ARL5A: variants seen among roughly 807,000 people sequenced by gnomAD.
The protein encoded by ARL5A is ADP-ribosylation factor-like protein 5A.
ARL5A carries 18 observed loss-of-function variants against 25.9 expected under a neutral mutation model. The ratio of observed to expected loss-of-function variants is 0.69; its 90% CI spans 0.48 to 1.03. The LOEUF (loss-of-function observed/expected upper bound fraction) is 1.03. Ranked by LOEUF, ARL5A falls within the 50% of genes least tolerant of loss-of-function variation. ARL5A has a pLI of 0.00. For synonymous variants in ARL5A, 61 were observed against 67.5 expected, an observed-to-expected ratio of 0.90 and a Z score of 0.47; for missense variants, 170 against 211.9, an observed-to-expected ratio of 0.80 and a Z score of 1.23.
At chr2:151,810,014 T>C (rs892857224) in intron 4 of ARL5A, among the ~76,000 whole-genome samples, 6 of 152,018 alleles carry the variant, frequency 3.9e-5, no homozygotes, top group African/African-American at 4.8e-5. Context: ...ACCCAGAAGA[T>C]GGAGGTTGCA....
chr2:151,801,922 A>G lies in ARL5A; in HGVS notation c.*1354T>C, dbSNP rs903450422. 1 of 152,120 alleles carries G rather than the reference A, an allele frequency of 6.6e-6. No individual in the cohort carries two copies. The highest frequency in any genetic ancestry group is 2.4e-5 in the African/African-American group (1 of 41,458). 9.4% of individuals were successfully genotyped at this position (152,120 alleles called of 1,614,324 possible). On this transcript the variant is annotated 3_prime_UTR_variant, in exon 6 of 6. Transcript: ENST00000295087. ...AAGTTTGTTTACAGTTGTGACAGGA[A>G]TACCTTTGACTTTCAGACACTGAAA...
In ARL5A at chr2:151,802,163, A is replaced by G. The variant is rs1312129010; in HGVS notation, c.*1113T>C. The stretch of plus-strand genomic sequence containing the variant: ...TATTCCAAGTACCAAAATAAGAAGA[A>G]ATTTGCAAATTAAGAAATTATCAAT... On this transcript the variant is annotated 3_prime_UTR_variant, in exon 6 of 6. Transcript: ENST00000295087. The G allele has an allele frequency of 6.6e-6, 1 of 152,130 alleles. No individual in the cohort carries two copies. 9.4% of individuals were successfully genotyped at this position (152,130 alleles called of 1,614,324 possible).
chr2:151,807,006 C>T (rs768409682), intron 4 of ARL5A, 34 bp from the exon 5 acceptor site: 38 of 1,536,222 alleles, frequency 2.5e-5, no homozygotes, highest in South Asian at 6.2e-5. Flanking sequence ...AAGGCCAATA[C>T]ATTTTCCACA....
chr2:151,816,689 G>A (rs1343083392), intron 1 of ARL5A, among the ~76,000 whole-genome samples: 1 of 152,160 alleles, frequency 6.6e-6, no homozygotes, highest in Non-Finnish European at 1.5e-5. Context: ...TTCTTAACCT[G>A]TTTTGCTAGC....
intron 1 of ARL5A, among the ~76,000 whole-genome samples, chr2:151,815,739 C>T (rs1203266610): frequency 2.6e-5 from 4 of 152,130 alleles, no homozygotes; most frequent in Admixed American, 2.0e-4. Context: ...ATGGTGGCAG[C>T]GACTCCCTCC....
Position 151,805,980 on chromosome 2 carries a change from C to T in ARL5A, c.491+841G>A, listed in dbSNP as rs1256918906. Among the ~76,000 whole-genome samples, 7 of 152,206 alleles carry T rather than the reference C, an allele frequency of 4.6e-5. No individual in the cohort carries two copies. The South Asian group carries it at 1.5e-3, about 32-fold the overall frequency. The stretch of plus-strand genomic sequence containing the variant: ...TCTTCTTGCCACACTCTAGAGTTTA[C>T]AAAGCTATTTTTGCTTCCTAAAATC... On this transcript the variant is annotated intron_variant, in intron 5 of 5. Coordinates refer to ENST00000295087, the MANE Select transcript of ARL5A (RefSeq NM_012097.4).
Position 151,828,337 on chromosome 2 carries a change from CCA to C in ARL5A, c.-163_-162del. On this transcript the variant is annotated 5_prime_UTR_variant, in exon 1 of 6. The change abolishes the stop of an existing upstream ORF in the 5' untranslated region. Transcript: ENST00000295087. ...CAGGGAACCGGAGGGAGGCCGAAGCCCAGGCCGCCCTGCCGCGCGCAAGGCCC... is the reference window on the plus strand; with the variant it reads ...CAGGGAACCGGAGGGAGGCCGAAGCCGGCCGCCCTGCCGCGCGCAAGGCCC... 1 of 575,452 alleles carries C rather than the reference CCA, an allele frequency of 1.7e-6. No individual in the cohort carries two copies. Among genetic ancestry groups the C allele is most frequent in the Non-Finnish European group, 2.9e-6 (1 of 346,248 alleles). 35.6% of individuals were successfully genotyped at this position (575,452 alleles called of 1,614,324 possible).
At chr2:151,805,820 T>C (rs1251621019) in intron 5 of ARL5A, among the ~76,000 whole-genome samples, 1 of 152,142 alleles carries the variant, frequency 6.6e-6, no homozygotes, top group Non-Finnish European at 1.5e-5. Context: ...GACCAAAACA[T>C]CATTATAGGG....
In ARL5A at chr2:151,814,061, T is replaced by C. The variant is rs1444977440; in HGVS notation, c.255+108A>G. 6.9e-6 allele frequency: 7 copies of C among 1,020,312 alleles called. No individual in the cohort carries two copies. In the East Asian group the frequency reaches 1.3e-4, roughly 20 times the overall value. 63.2% of individuals were successfully genotyped at this position (1,020,312 alleles called of 1,614,324 possible). On this transcript the variant is annotated intron_variant, in intron 3 of 5. Coordinates refer to ENST00000295087, the MANE Select transcript of ARL5A (RefSeq NM_012097.4). ...GATTTTACTCTGCTTAAACTCTCTA[T>C]GTATTAACATACTGTGATATTTCAA...
In ARL5A at chr2:151,828,190, A is replaced by AAC; in HGVS notation, c.-15_-14insGT. 2.1e-6 allele frequency: 3 copies of AAC among 1,459,386 alleles called. No individual in the cohort carries two copies. Among genetic ancestry groups the AAC allele is most frequent in the Non-Finnish European group, 2.8e-6 (3 of 1,055,796 alleles). 90.4% of individuals were successfully genotyped at this position (1,459,386 alleles called of 1,614,324 possible). On this transcript the variant is annotated 5_prime_UTR_variant, in exon 1 of 6. Coordinates refer to ENST00000295087, the MANE Select transcript of ARL5A (RefSeq NM_012097.4). ...GAGAATTCCCATTCTCGGGCAGCGG[A>AAC]CCCCCCCCCTCCAGACACCCGGGCC... is the stretch of plus-strand genomic sequence containing the variant.
intron 1 of ARL5A, among the ~76,000 whole-genome samples, chr2:151,822,403 GGC>G (rs995676322): frequency 6.6e-6 from 1 of 152,144 alleles, no homozygotes; most frequent in African/African-American, 2.4e-5. Flanking sequence ...CTGTGCAATG[GGC>G]TCAAAGACAA....
intron 1 of ARL5A, among the ~76,000 whole-genome samples, chr2:151,818,765 C>T (rs780906802): frequency 5.9e-5 from 9 of 152,300 alleles, no homozygotes; most frequent in South Asian, 2.1e-4. Context: ...TATTAATACA[C>T]GCACTCATAA....
intron 1 of ARL5A, among the ~76,000 whole-genome samples, chr2:151,825,809 A>C (rs1013476080): frequency 3.0e-4 from 46 of 151,080 alleles, no homozygotes; most frequent in African/African-American, 1.1e-3. Context: ...TCTAACTTAT[A>C]TATGTCCTAT....
intron 4 of ARL5A, among the ~76,000 whole-genome samples, chr2:151,809,769 T>C (rs2099830580): frequency 1.3e-5 from 2 of 152,222 alleles, no homozygotes; most frequent in Admixed American, 1.3e-4. Context: ...ATATACCATA[T>C]ATAGTTGTCA....
intron 1 of ARL5A, chr2:151,827,859 A>G (rs764313019): frequency 6.5e-5 from 32 of 491,024 alleles, no homozygotes; most frequent in Non-Finnish European, 1.1e-4. Flanking sequence ...AGAAACCTTT[A>G]CCACTCTCAT....
At chr2:151,806,793 G>T in intron 5 of ARL5A, 28 bp downstream of exon 5, 1 of 1,578,072 alleles carries the variant, frequency 6.3e-7, no homozygotes. Flanking sequence ...ATAAATGTTC[G>T]ATAACATTTA....
intron 1 of ARL5A, among the ~76,000 whole-genome samples, chr2:151,823,217 G>A (rs1415798319): frequency 6.6e-6 from 1 of 152,090 alleles, no homozygotes; most frequent in African/African-American, 2.4e-5. Context: ...TAAAGCATGA[G>A]CTTAATATTT....
At chr2:151,821,778 TTTTTTTTTTTC>T (rs1486930008) in intron 1 of ARL5A, among the ~76,000 whole-genome samples, 2 of 119,046 alleles carry the variant, frequency 1.7e-5, no homozygotes, top group African/African-American at 6.8e-5. Flanking sequence ...CGGCTTTCTT[TTTTTTTTTTTC>T]TTTTTTTTTT....
At chr2:151,809,005 G>A (rs1429363064) in intron 4 of ARL5A, among the ~76,000 whole-genome samples, 3 of 152,130 alleles carry the variant, frequency 2.0e-5, no homozygotes, top group African/African-American at 4.8e-5. Flanking sequence ...CAAAGATAGC[G>A]CCACTGCACT....
Sources: gnomAD v4.1 joint callset for allele counts (sites outside exome capture counted in the v4.1 genomes callset) on GRCh38, gnomAD v4.1.1 for gene constraint, MANE v1.5 for transcripts, NCBI Gene and HGNC (gene_info 2026-07-23, HGNC 2026-07-21) for gene names.